PTPRQ: variants seen among roughly 807,000 people sequenced by gnomAD.
PTPRQ encodes the protein phosphatidylinositol phosphatase PTPRQ.
In PTPRQ, 199 loss-of-function variants were observed where a neutral mutation model predicts 246.0. The ratio of observed to expected loss-of-function variants is 0.81; its 90% CI spans 0.72 to 0.91. The LOEUF (loss-of-function observed/expected upper bound fraction) is 0.91. Among genes scored for constraint, PTPRQ ranks in the 40% least tolerant of loss-of-function variants. The pLI, the probability that PTPRQ is intolerant of heterozygous loss-of-function variation, is 0.00. For missense variants in PTPRQ, 2,624 were observed against 2,528.4 expected, an observed-to-expected ratio of 1.04 and a Z score of -0.81; for synonymous variants, 869 against 853.2, an observed-to-expected ratio of 1.02 and a Z score of -0.32.
intron 25 of PTPRQ, among the ~76,000 whole-genome samples, chr12:80,569,149 T>TTC (rs1190073992): frequency 6.8e-6 from 1 of 147,942 alleles, no homozygotes. Flanking sequence ...TTTTTTTTTT[T>TTC]ACTTTTTAAA....
In PTPRQ at chr12:80,481,101, T is replaced by C. The variant is rs961741445; in HGVS notation, c.1187-3332T>C. Among the ~76,000 whole-genome samples, 8 of 152,292 alleles carry C rather than the reference T, an allele frequency of 5.3e-5. No individual in the cohort carries two copies. The East Asian group carries it at 5.8e-4, about 11-fold the overall frequency. ...GAGAATTTTAGACCAATATCCTTGA[T>C]GAACATTGATGCAAAAATCCTCAGT... On this transcript the variant is annotated intron_variant, in intron 8 of 44. Coordinates refer to ENST00000644991, the MANE Select transcript of PTPRQ (RefSeq NM_001145026.2).
intron 12 of PTPRQ, 38 bp from the exon 13 acceptor site, chr12:80,495,961 T>C (rs1894605878): frequency 6.5e-7 from 1 of 1,535,402 alleles, no homozygotes. Flanking sequence ...AGAGTATTAT[T>C]TTAAGGACAT....
intron 17 of PTPRQ, among the ~76,000 whole-genome samples, chr12:80,520,035 TG>T (rs557232830): frequency 6.6e-6 from 1 of 151,564 alleles, no homozygotes; most frequent in African/African-American, 2.4e-5. Context: ...GGGTGGGGAT[TG>T]GGGGGGATAC....
intron 38 of PTPRQ, among the ~76,000 whole-genome samples, chr12:80,655,371 A>G (rs1325562556): frequency 6.6e-6 from 1 of 152,156 alleles, no homozygotes; most frequent in African/African-American, 2.4e-5. Flanking sequence ...GAAACATTCA[A>G]AATATTAGTT....
chr12:80,515,023 A>G (rs117429675), intron 17 of PTPRQ, among the ~76,000 whole-genome samples: 1 of 138,276 alleles, frequency 7.2e-6, no homozygotes, highest in Non-Finnish European at 1.7e-5. Context: ...ATGCTTTAGT[A>G]TCTTATTAAC....
chr12:80,525,505 C>G (rs1259947678), intron 17 of PTPRQ, among the ~76,000 whole-genome samples: 1 of 152,020 alleles, frequency 6.6e-6, no homozygotes, highest in Non-Finnish European at 1.5e-5. Context: ...AGTCTTGAAG[C>G]CAGAATAAGA....
At chr12:80,509,133 A>G (rs1895049937) in intron 16 of PTPRQ, among the ~76,000 whole-genome samples, 1 of 152,066 alleles carries the variant, frequency 6.6e-6, no homozygotes. Context: ...TAGCAACATT[A>G]TTATAGTGCC....
At chr12:80,591,330 T>C (rs1366395813) in intron 26 of PTPRQ, among the ~76,000 whole-genome samples, 1 of 152,094 alleles carries the variant, frequency 6.6e-6, no homozygotes, top group East Asian at 1.9e-4. Context: ...GGTCTCACTA[T>C]ATTGCCCAAG....
chr12:80,544,703 G>A (rs925174247), intron 23 of PTPRQ, among the ~76,000 whole-genome samples: 4 of 150,850 alleles, frequency 2.7e-5, no homozygotes, highest in Non-Finnish European at 4.4e-5. Context: ...TTTCTATTTC[G>A]CTTTCTCTCC....
intron 26 of PTPRQ, among the ~76,000 whole-genome samples, chr12:80,595,387 TAC>T (rs1897935994): frequency 6.6e-6 from 1 of 152,224 alleles, no homozygotes. Flanking sequence ...GTTAAAGTGT[TAC>T]AGTGTCAAAA....
chr12:80,480,295 G>A (rs1271434100), intron 8 of PTPRQ, among the ~76,000 whole-genome samples: 1 of 151,998 alleles, frequency 6.6e-6, no homozygotes, highest in African/African-American at 2.4e-5. Flanking sequence ...ATGAAATGAA[G>A]GCAGAAATAA....
At position 80,678,749 on chromosome 12, in the gene PTPRQ, C is replaced by T. The variant is rs1371030235; in HGVS notation, c.6862+24C>T. 3 of 1,534,742 alleles carry T rather than the reference C, an allele frequency of 2.0e-6. No homozygotes were observed. In the East Asian group the frequency reaches 7.4e-5, roughly 38 times the overall value. ...AGGTAAACAGAAACAACAGTATATGCCCAGCTTACTAGTTTACCACCTACG... is the reference window on the plus strand; with the variant it reads ...AGGTAAACAGAAACAACAGTATATGTCCAGCTTACTAGTTTACCACCTACG... On this transcript the variant is annotated intron_variant, in intron 44 of 44. Coordinates refer to ENST00000644991, the MANE Select transcript of PTPRQ (RefSeq NM_001145026.2).
At chr12:80,461,469 A>G (rs1328735339) in intron 6 of PTPRQ, among the ~76,000 whole-genome samples, 1 of 152,084 alleles carries the variant, frequency 6.6e-6, no homozygotes, top group Non-Finnish European at 1.5e-5. Context: ...GAATTTTATG[A>G]GAACATATTT....
intron 38 of PTPRQ, among the ~76,000 whole-genome samples, chr12:80,653,298 A>T (rs569765397): frequency 3.9e-5 from 6 of 152,346 alleles, no homozygotes; most frequent in African/African-American, 1.4e-4. Context: ...CATTTTACAT[A>T]TGAGGCAGAA....
chr12:80,543,003 T>C (rs1027869301), intron 23 of PTPRQ, 122 bp downstream of exon 23: 2 of 702,486 alleles, frequency 2.8e-6, no homozygotes, highest in Non-Finnish European at 4.3e-6. Flanking sequence ...TAAACTTCTT[T>C]ATTTCCTACA....
intron 25 of PTPRQ, among the ~76,000 whole-genome samples, chr12:80,562,270 AT>A (rs1368534324): frequency 6.6e-6 from 1 of 152,138 alleles, no homozygotes; most frequent in African/African-American, 2.4e-5. Flanking sequence ...CACTGCCTTT[AT>A]CTAGTTACTG....
Position 80,549,447 on chromosome 12 carries a change from A to G in PTPRQ, c.4016-18A>G, listed in dbSNP as rs536614760. On this transcript the variant is annotated intron_variant, in intron 24 of 44. Coordinates refer to ENST00000644991, the MANE Select transcript of PTPRQ (RefSeq NM_001145026.2). ...ATATGTATACACTTTAACTTTGGGC[A>G]TATGTTTATCTCTTAAGTTCCAGAT... The G allele has an allele frequency of 1.6e-5, 24 of 1,528,858 alleles. No individual in the cohort carries two copies. In the African/African-American group the frequency reaches 2.3e-4, roughly 15 times the overall value. 94.7% of individuals were successfully genotyped at this position (1,528,858 alleles called of 1,614,324 possible). A position where few individuals can be genotyped will look rare whatever the true frequency, so the allele number is the denominator to read the frequency against.
intron 26 of PTPRQ, among the ~76,000 whole-genome samples, chr12:80,596,023 A>T (rs566333652): frequency 2.0e-5 from 3 of 152,214 alleles, no homozygotes; most frequent in African/African-American, 7.2e-5. Context: ...TTCAGAATAG[A>T]TTGGAGAAGC....
intron 25 of PTPRQ, among the ~76,000 whole-genome samples, chr12:80,554,234 G>C (rs1896577272): frequency 6.6e-6 from 1 of 152,044 alleles, no homozygotes; most frequent in African/African-American, 2.4e-5. Flanking sequence ...TGTAACACAG[G>C]AAATGATAAA....
Sources: allele counts gnomAD v4.1 joint callset (sites outside exome capture counted in the v4.1 genomes callset), GRCh38; gene constraint gnomAD v4.1.1; transcripts MANE v1.5; gene names NCBI Gene and HGNC (gene_info 2026-07-23, HGNC 2026-07-21).